Variants in FRK observed in about 807,000 individuals in gnomAD.
FRK encodes fyn related Src family tyrosine kinase.
FRK carries 51 observed loss-of-function variants against 56.4 expected under a neutral mutation model. The ratio of observed to expected loss-of-function variants is 0.90; its 90% CI spans 0.72 to 1.14. The LOEUF is 1.14. FRK is among the 50% of genes most tolerant of loss of function. The pLI is 0.00. For missense variants in FRK, 570 were observed against 601.4 expected (o/e 0.95, Z 0.55); for synonymous variants, 245 against 217.9 (o/e 1.12, Z -1.10).
chr6:116,038,570 T>C (rs1474466614), intron 1 of FRK, among the ~76,000 whole-genome samples: 1 of 152,246 alleles, frequency 6.6e-6, no homozygotes, highest in Non-Finnish European at 1.5e-5. Flanking sequence ...TAGTATCTGC[T>C]GTGAGGAAGC....
intron 5 of FRK, among the ~76,000 whole-genome samples, chr6:115,949,950 A>G (rs1180147462): frequency 6.6e-6 from 1 of 152,232 alleles, no homozygotes; most frequent in Non-Finnish European, 1.5e-5. Context: ...CCTATTAAAT[A>G]AATGTTGTTG....
chr6:116,065,975 G>A, the FRK span, among the ~76,000 whole-genome samples: 1 of 152,156 alleles, frequency 6.6e-6, no homozygotes, highest in Non-Finnish European at 1.5e-5. Flanking sequence ...GTATCACAAG[G>A]AAAATCTAGA....
At chr6:116,044,764 T>C (rs1776869771) in intron 1 of FRK, among the ~76,000 whole-genome samples, 1 of 152,042 alleles carries the variant, frequency 6.6e-6, no homozygotes, top group South Asian at 2.1e-4. Flanking sequence ...AAATAAAGAG[T>C]ATTCAAATAG....
intron 2 of FRK, among the ~76,000 whole-genome samples, chr6:115,995,338 C>T (rs1438846363): frequency 2.0e-5 from 3 of 151,990 alleles, no homozygotes; most frequent in Non-Finnish European, 4.4e-5. Context: ...ATGAAAAAAT[C>T]AAGGGGGTAG....
intron 4 of FRK, among the ~76,000 whole-genome samples, chr6:115,966,218 G>A (rs1420897027): frequency 6.6e-6 from 1 of 151,872 alleles, no homozygotes; most frequent in East Asian, 1.9e-4. Context: ...TGCATCCCTG[G>A]GACACTGCAC....
intron 2 of FRK, among the ~76,000 whole-genome samples, chr6:115,975,118 T>C (rs1373440668): frequency 2.0e-5 from 3 of 152,114 alleles, no homozygotes; most frequent in Non-Finnish European, 4.4e-5. Flanking sequence ...TTACAAGACT[T>C]CCCTGCAATC....
At chr6:115,948,686 AC>A (rs1772571027) in intron 5 of FRK, among the ~76,000 whole-genome samples, 1 of 152,154 alleles carries the variant, frequency 6.6e-6, no homozygotes, top group African/African-American at 2.4e-5. Context: ...TGAGTTCCAG[AC>A]CCATAGCTTG....
In FRK at chr6:116,039,884, G is replaced by A. The variant is rs992683196; in HGVS notation, c.344+20084C>T. Among the ~76,000 whole-genome samples, 6 of 150,716 alleles carry A rather than the reference G, an allele frequency of 4.0e-5. 1 individual carries two copies. In the East Asian group the frequency reaches 9.8e-4, roughly 25 times the overall value. On this transcript the variant is annotated intron_variant, in intron 1 of 7. Coordinates refer to ENST00000606080, the MANE Select transcript of FRK (RefSeq NM_002031.3). ...AGTGCTGCCCTCTCCCACGGTGCCC[G>A]CGCCTGTGTGTGCTGTGTATGTGAA...
At chr6:116,097,613 T>C in the FRK span, among the ~76,000 whole-genome samples, 7,777 of 152,270 alleles carry the variant, frequency 0.051, 243 homozygotes, top group South Asian at 0.083. Flanking sequence ...ATTGCTAAAT[T>C]ATAGTACCAC....
In FRK at chr6:115,934,770, A is replaced by T. The variant is rs1433847863; in HGVS notation, c.*7644T>A. ...GCTTGTTTCATTCCTATTGCTTTAC[A>T]CTGGAAGATCTTTGAATATATATTT... On this transcript the variant is annotated 3_prime_UTR_variant, in exon 8 of 8. Transcript: ENST00000606080. The T allele has an allele frequency of 6.6e-6, 1 of 152,176 alleles. No individual in the cohort carries two copies. The highest frequency in any genetic ancestry group is 6.5e-5 in the Admixed American group (1 of 15,284). 9.4% of individuals were successfully genotyped at this position (152,176 alleles called of 1,614,324 possible).
rs1772005172 is a variant in FRK, at chr6:115,934,156, A to C, written c.*8258T>G. ...ATAAATACAGAGATAGATAATTCTA[A>C]CCGTTAATTCACCTCAGGGAATGTT... On this transcript the variant is annotated 3_prime_UTR_variant, in exon 8 of 8. Transcript: ENST00000606080. 6.6e-6 allele frequency: 1 copy of C among 152,176 alleles called. No individual in the cohort carries two copies. The highest frequency in any genetic ancestry group is 6.5e-5 in the Admixed American group (1 of 15,276). 9.4% of individuals were successfully genotyped at this position (152,176 alleles called of 1,614,324 possible).
chr6:115,995,931 A>T (rs956199799), intron 2 of FRK, among the ~76,000 whole-genome samples: 1 of 152,154 alleles, frequency 6.6e-6, no homozygotes, highest in African/African-American at 2.4e-5. Flanking sequence ...GCTGAACAAA[A>T]CTAAATTATG....
intron 1 of FRK, among the ~76,000 whole-genome samples, chr6:116,022,418 A>G (rs1775907744): frequency 6.6e-6 from 1 of 152,084 alleles, no homozygotes; most frequent in Non-Finnish European, 1.5e-5. Context: ...CTGATTTGCA[A>G]CCCCTTAAAA....
chr6:116,052,467 A>G (rs1205517318), intron 1 of FRK, among the ~76,000 whole-genome samples: 1 of 152,180 alleles, frequency 6.6e-6, no homozygotes, highest in Non-Finnish European at 1.5e-5. Context: ...ATCAGTGCTT[A>G]TTATTCACAG....
chr6:115,956,552 A>G lies in FRK; in HGVS notation c.858T>C (p.His286=), dbSNP rs760169315. ...REAQIMKNLR[H]PKLIQLYAVC... is the part of the protein sequence containing the mutation. ...CAGCATAAAGCTGGATAAGCTTTGG[A>G]TGTCTTAGGTTCTTCATTATCTGTG... is the stretch of plus-strand genomic sequence containing the variant. Residue 286 remains histidine (H), a synonymous_variant, in exon 5 of 8, where the codon CAT becomes CAC. Transcript: ENST00000606080. 10 of 1,593,992 alleles carry G rather than the reference A, an allele frequency of 6.3e-6. No homozygotes were observed. The East Asian group carries it at 2.0e-4, about 32-fold the overall frequency.
At chr6:116,002,093 A>G (rs1775084602) in intron 2 of FRK, among the ~76,000 whole-genome samples, 2 of 152,202 alleles carry the variant, frequency 1.3e-5, no homozygotes, top group Admixed American at 6.5e-5. Context: ...CGAAAGTCTT[A>G]TTCTAGATTA....
chr6:116,048,599 T>C (rs1777067012), intron 1 of FRK, among the ~76,000 whole-genome samples: 1 of 152,106 alleles, frequency 6.6e-6, no homozygotes, highest in Non-Finnish European at 1.5e-5. Flanking sequence ...TTGCCCAGGC[T>C]GGTCTCAAAC....
chr6:116,061,997 A>G (rs1003566493), upstream of FRK, among the ~76,000 whole-genome samples: 10 of 151,940 alleles, frequency 6.6e-5, no homozygotes, highest in Non-Finnish European at 1.5e-5. Context: ...AAGAAAAGAA[A>G]GAAAGAAGGA....
intron 1 of FRK, among the ~76,000 whole-genome samples, chr6:116,008,168 T>A (rs1445444600): frequency 6.6e-6 from 1 of 152,190 alleles, no homozygotes; most frequent in Non-Finnish European, 1.5e-5. Context: ...ATGTGTTTCC[T>A]CTGTCCAATA....
Sources: gnomAD v4.1 joint callset for allele counts (sites outside exome capture counted in the v4.1 genomes callset) on GRCh38, gnomAD v4.1.1 for gene constraint, MANE v1.5 for transcripts, NCBI Gene and HGNC (gene_info 2026-07-23, HGNC 2026-07-21) for gene names.